The following ROBO1 variants were observed in gnomAD, a reference collection of about 807,000 sequenced individuals.
ROBO1 encodes roundabout homolog 1.
A neutral mutation model predicts 195.9 loss-of-function variants in ROBO1; 149 were observed. The ratio of observed to expected loss-of-function variants is 0.76; its 90% confidence interval spans 0.67 to 0.87. ROBO1 has a LOEUF of 0.87. ROBO1 is among the 40% of genes least tolerant of loss of function. The pLI, the probability that ROBO1 is intolerant of heterozygous loss-of-function variation, is 0.00. For synonymous variants in ROBO1, 816 were observed against 733.2 expected (o/e 1.11, Z -1.82); for missense variants, 1,933 against 2,068.3 (o/e 0.93, Z 1.27).
At chr3:79,162,959 T>G (rs1478044331) in intron 2 of ROBO1, among the ~76,000 whole-genome samples, 2 of 152,118 alleles carry the variant, frequency 1.3e-5, no homozygotes, top group South Asian at 2.1e-4. Context: ...AAAGCATTTT[T>G]GTCTCCATTA....
intron 2 of ROBO1, among the ~76,000 whole-genome samples, chr3:79,282,306 A>T (rs1490243406): frequency 6.6e-6 from 1 of 152,220 alleles, no homozygotes; most frequent in Admixed American, 6.5e-5. Context: ...CACCAAAAAA[A>T]GAACCCTCCT....
rs149538043 is a variant in ROBO1 at position 79,687,337 on chromosome 3, C to T, written c.-51+80415G>A. On this transcript the variant is annotated intron_variant, in intron 1 of 30. Coordinates refer to ENST00000464233, the MANE Select transcript of ROBO1 (RefSeq NM_002941.4). Reference sequence around the variant, plus strand: ...GGCAAGGACTTCATGTCTAAAACACCAAAAGCAATGGCAACAAAAGCCAAA... The same window carrying T: ...GGCAAGGACTTCATGTCTAAAACACTAAAAGCAATGGCAACAAAAGCCAAA... Among the ~76,000 whole-genome samples, 1,330 of 152,096 alleles carry T rather than the reference C, an allele frequency of 8.7e-3. 17 individuals carry two copies. The highest frequency in any genetic ancestry group is 0.03 in the African/African-American group (1,251 of 41,478).
chr3:79,421,523 C>A (rs2038224767), intron 2 of ROBO1, among the ~76,000 whole-genome samples: 2 of 152,226 alleles, frequency 1.3e-5, no homozygotes, highest in Non-Finnish European at 2.9e-5. Context: ...GAGCTGACAG[C>A]ACCAGGTGCC....
At chr3:79,041,050 G>A (rs1175636163) in intron 3 of ROBO1, among the ~76,000 whole-genome samples, 1 of 152,024 alleles carries the variant, frequency 6.6e-6, no homozygotes, top group Non-Finnish European at 1.5e-5. Flanking sequence ...CCCTGCTGGG[G>A]ACACGTCTTT....
intron 3 of ROBO1, among the ~76,000 whole-genome samples, chr3:79,065,951 G>T (rs969376506): frequency 6.6e-6 from 1 of 151,886 alleles, no homozygotes; most frequent in Non-Finnish European, 1.5e-5. Context: ...AGGAATTGAT[G>T]AATTTAGGCA....
At chr3:79,610,113 T>C (rs1944610710) in intron 1 of ROBO1, among the ~76,000 whole-genome samples, 1 of 151,972 alleles carries the variant, frequency 6.6e-6, no homozygotes, top group Admixed American at 6.6e-5. Context: ...ATATTGTTAA[T>C]TTAGGTCATT....
In ROBO1 at chr3:78,908,965, T is replaced by C. The variant is rs1373971942; in HGVS notation, c.499+29636A>G. On this transcript the variant is annotated intron_variant, in intron 4 of 30. Coordinates refer to ENST00000464233, the MANE Select transcript of ROBO1 (RefSeq NM_002941.4). ...TACTGATAAAAGCACTAAAAACAAC[T>C]AGAATGAATAAAAAATATGAACATT... is the stretch of plus-strand genomic sequence containing the variant. Among the ~76,000 whole-genome samples, 3 of 151,848 alleles carry C rather than the reference T, an allele frequency of 2.0e-5. 1 individual carries two copies. Among genetic ancestry groups the C allele is most frequent in the African/African-American group, 7.2e-5 (3 of 41,404 alleles).
intron 3 of ROBO1, among the ~76,000 whole-genome samples, chr3:78,995,536 C>A (rs1337338984): frequency 2.0e-5 from 3 of 152,202 alleles, no homozygotes; most frequent in African/African-American, 7.2e-5. Context: ...GTTGGGTAAT[C>A]TTTTCCGTTT....
intron 2 of ROBO1, among the ~76,000 whole-genome samples, chr3:79,225,742 C>A (rs1161579056): frequency 4.6e-5 from 7 of 152,120 alleles, no homozygotes; most frequent in Non-Finnish European, 1.0e-4. Flanking sequence ...AAAAGTCTTG[C>A]CCCTTCTTCT....
chr3:78,847,870 C>T lies in ROBO1; in HGVS notation c.499+90731G>A, dbSNP rs561497248. ...CAGGTAAAGTGAAAAGTTAAGATAA[C>T]GGAATGTATGATACTTCATATACAT... On this transcript the variant is annotated intron_variant, in intron 4 of 30. Coordinates refer to ENST00000464233, the MANE Select transcript of ROBO1 (RefSeq NM_002941.4). Among the ~76,000 whole-genome samples, 11 of 152,222 alleles carry T rather than the reference C, an allele frequency of 7.2e-5. No homozygotes were observed. The South Asian group carries it at 2.1e-3, about 29-fold the overall frequency.
chr3:79,766,297 T>C (rs1704986693), intron 1 of ROBO1, among the ~76,000 whole-genome samples: 3 of 151,796 alleles, frequency 2.0e-5, no homozygotes, highest in African/African-American at 7.3e-5. Context: ...AACATTTCCC[T>C]TCTTTCCCCC....
chr3:79,516,150 T>A (rs1380099593), intron 2 of ROBO1, among the ~76,000 whole-genome samples: 6 of 152,138 alleles, frequency 3.9e-5, no homozygotes, highest in Non-Finnish European at 1.5e-5. Flanking sequence ...TGCAACCGCT[T>A]TTGAAACCTG....
intron 7 of ROBO1, among the ~76,000 whole-genome samples, chr3:78,715,698 G>A (rs998441762): frequency 6.6e-5 from 10 of 151,976 alleles, no homozygotes; most frequent in African/African-American, 2.4e-4. Context: ...CACCATGCCC[G>A]GCTAATTTTT....
chr3:79,367,160 C>A (rs1200991708), intron 2 of ROBO1, among the ~76,000 whole-genome samples: 3 of 152,142 alleles, frequency 2.0e-5, no homozygotes, highest in Admixed American at 2.0e-4. Flanking sequence ...AATAGCTGAA[C>A]ACAATTAAAA....
At chr3:79,523,221 A>G (rs1012203779) in intron 2 of ROBO1, among the ~76,000 whole-genome samples, 8 of 151,992 alleles carry the variant, frequency 5.3e-5, no homozygotes, top group Admixed American at 1.3e-4. Context: ...ATACAGTTAC[A>G]CAATTCTCAA....
chr3:79,708,279 A>C (rs1309192646), intron 1 of ROBO1, among the ~76,000 whole-genome samples: 2 of 152,192 alleles, frequency 1.3e-5, no homozygotes, highest in South Asian at 2.1e-4. Flanking sequence ...GAAGATAACT[A>C]TTTTCTTCTT....
Position 78,725,631 on chromosome 3 carries a change from G to T in ROBO1, c.658-7748C>A, listed in dbSNP as rs1022358188. On this transcript the variant is annotated intron_variant, in intron 5 of 30. Transcript: ENST00000464233. ...TGGAGAAAACCACTTTATGTCTCTG[G>T]TTAGCATGGAAAAACTAGCATCAGT... Among the ~76,000 whole-genome samples the T allele has an allele frequency of 2.6e-5, 4 of 152,102 alleles. No individual in the cohort carries two copies. In the South Asian group the frequency reaches 8.3e-4, roughly 32 times the overall value.
At chr3:79,669,310 C>A (rs955290252) in intron 1 of ROBO1, among the ~76,000 whole-genome samples, 2 of 151,792 alleles carry the variant, frequency 1.3e-5, no homozygotes, top group Admixed American at 6.6e-5. Flanking sequence ...TGAGGGCTCC[C>A]CAGCCATGTG....
intron 2 of ROBO1, among the ~76,000 whole-genome samples, chr3:79,531,146 A>G (rs983096097): frequency 2.6e-5 from 4 of 152,136 alleles, no homozygotes; most frequent in African/African-American, 9.7e-5. Context: ...CGTAGTATGT[A>G]TCATGCCTCC....
Sources: allele counts gnomAD v4.1 joint callset (sites outside exome capture counted in the v4.1 genomes callset), GRCh38; gene constraint gnomAD v4.1.1; transcripts MANE v1.5; gene names NCBI Gene and HGNC (gene_info 2026-07-23, HGNC 2026-07-21).